The following UBASH3B variants were observed in gnomAD, a reference collection of about 807,000 sequenced individuals.
UBASH3B encodes ubiquitin associated and SH3 domain containing B.
A neutral mutation model predicts 83.4 loss-of-function variants in UBASH3B; 37 were observed. The observed-to-expected ratio is 0.44, with a 90% CI of 0.34 to 0.58. The LOEUF (loss-of-function observed/expected upper bound fraction) is 0.58, where lower values mean the gene tolerates loss of function less well. Among genes scored for constraint, UBASH3B ranks in the 20% least tolerant of loss-of-function variants. The probability of loss-of-function intolerance (pLI) is 0.01; values close to 1 mark genes in which losing one functional copy is unlikely to be tolerated. For missense variants in UBASH3B, 657 were observed against 827.2 expected, an observed-to-expected ratio of 0.79 and a Z score of 2.52; for synonymous variants, 304 against 318.3, an observed-to-expected ratio of 0.96 and a Z score of 0.48.
chr11:122,672,908 T>G (rs1863618155), intron 1 of UBASH3B, among the ~76,000 whole-genome samples: 1 of 152,130 alleles, frequency 6.6e-6, no homozygotes, highest in Non-Finnish European at 1.5e-5. Context: ...GTGTCCTTTA[T>G]GGATCAGCTT....
chr11:122,712,896 GTTTTTTTTTTTTTT>G lies in UBASH3B; in HGVS notation c.161+56703_161+56716del, dbSNP rs386375116. Among the ~76,000 whole-genome samples the G allele has an allele frequency of 2.9e-4, 19 of 64,524 alleles. No homozygotes were observed. In the South Asian group the frequency reaches 4.1e-3, roughly 14 times the overall value. 42.3% of individuals were successfully genotyped at this position (64,524 alleles called of 152,430 possible). On this transcript the variant is annotated intron_variant, in intron 1 of 13. Transcript: ENST00000284273. Reference sequence around the variant, plus strand: ...GACATTCATCTTTCTTCTCTGGGTGGTTTTTTTTTTTTTTTTTTTTTTTTTTTTTTGAGATGGAT... The same window carrying G: ...GACATTCATCTTTCTTCTCTGGGTGGTTTTTTTTTTTTTTTTGAGATGGAT...
intron 4 of UBASH3B, among the ~76,000 whole-genome samples, chr11:122,780,838 G>A (rs1292777101): frequency 6.6e-6 from 1 of 152,214 alleles, no homozygotes; most frequent in African/African-American, 2.4e-5. Flanking sequence ...AGTGCTGAGT[G>A]CAAAGCTGGA....
chr11:122,787,327 T>C (rs1355949547), intron 5 of UBASH3B, among the ~76,000 whole-genome samples: 1 of 152,092 alleles, frequency 6.6e-6, no homozygotes, highest in African/African-American at 2.4e-5. Flanking sequence ...TGAGTGTGTA[T>C]GAGGCAAAGG....
At chr11:122,747,735 T>G (rs1861141810) in intron 1 of UBASH3B, among the ~76,000 whole-genome samples, 1 of 152,216 alleles carries the variant, frequency 6.6e-6, no homozygotes, top group Admixed American at 6.5e-5. Context: ...TTAGAGCTGT[T>G]CTATCTGGAA....
chr11:122,667,219 G>T (rs1044999288), intron 1 of UBASH3B, among the ~76,000 whole-genome samples: 1 of 151,694 alleles, frequency 6.6e-6, no homozygotes, highest in Admixed American at 6.6e-5. Context: ...GCTAATTTTT[G>T]TATTTGTAGT....
At chr11:122,717,205 C>T (rs1860539682) in intron 1 of UBASH3B, among the ~76,000 whole-genome samples, 1 of 152,146 alleles carries the variant, frequency 6.6e-6, no homozygotes, top group African/African-American at 2.4e-5. Context: ...GAAAGCAAGG[C>T]CCAGAGACAT....
At position 122,672,020 on chromosome 11, in the gene UBASH3B, G is replaced by A. The variant is rs539686672; in HGVS notation, c.161+15810G>A. On this transcript the variant is annotated intron_variant, in intron 1 of 13. Coordinates refer to ENST00000284273, the MANE Select transcript of UBASH3B (RefSeq NM_032873.5). Reference sequence around the variant, plus strand: ...GGGAAACAGGTCATGCAGGGCTACCGATGTTTAGTCTGGAAAAGACATGCA... The same window carrying A: ...GGGAAACAGGTCATGCAGGGCTACCAATGTTTAGTCTGGAAAAGACATGCA... Among the ~76,000 whole-genome samples, 49 of 152,148 alleles carry A rather than the reference G, an allele frequency of 3.2e-4. 1 individual carries two copies. Among genetic ancestry groups the A allele is most frequent in the East Asian group, 5.8e-4 (3 of 5,164 alleles).
intron 1 of UBASH3B, among the ~76,000 whole-genome samples, chr11:122,707,318 T>C (rs1311943164): frequency 6.6e-6 from 1 of 152,132 alleles, no homozygotes; most frequent in Non-Finnish European, 1.5e-5. Context: ...TCCACTATTT[T>C]CCTCTTGCTT....
At chr11:122,748,390 C>T (rs1276009174) in intron 1 of UBASH3B, among the ~76,000 whole-genome samples, 3 of 152,210 alleles carry the variant, frequency 2.0e-5, no homozygotes, top group Non-Finnish European at 4.4e-5. Context: ...AACATACCTC[C>T]AGTCTGGTTT....
At chr11:122,747,713 G>A (rs772027357) in intron 1 of UBASH3B, among the ~76,000 whole-genome samples, 2 of 152,204 alleles carry the variant, frequency 1.3e-5, no homozygotes, top group Non-Finnish European at 2.9e-5. Context: ...TTATAGAGAC[G>A]CAATGAAAAT....
rs571588343 is a variant in UBASH3B at position 122,812,322 on chromosome 11, A to G, written c.*2436A>G. On this transcript the variant is annotated 3_prime_UTR_variant, in exon 14 of 14. Transcript: ENST00000284273. Reference sequence around the variant, plus strand: ...TTAAGTTCCCCTTGCACACTTACCTATTTAAAAAACTAAACTTGCACTGCA... The same window carrying G: ...TTAAGTTCCCCTTGCACACTTACCTGTTTAAAAAACTAAACTTGCACTGCA... 2 of 152,370 alleles carry G rather than the reference A, an allele frequency of 1.3e-5. No homozygotes were observed. The highest frequency in any genetic ancestry group is 4.8e-5 in the African/African-American group (2 of 41,596). The allele number at this position is 152,370 out of a possible 1,614,324, so 9.4% of individuals were successfully genotyped here. A position where few individuals can be genotyped will look rare whatever the true frequency, so the allele number is the denominator to read the frequency against.
At position 122,797,044 on chromosome 11, in the gene UBASH3B, T is replaced by C; in HGVS notation, c.1357+11T>C. 1.9e-6 allele frequency: 3 copies of C among 1,588,476 alleles called. No homozygotes were observed. Among genetic ancestry groups the C allele is most frequent in the Non-Finnish European group, 2.6e-6 (3 of 1,167,550 alleles). On this transcript the variant is annotated intron_variant, in intron 9 of 13. Transcript: ENST00000284273. ...AAGCAAGACTAGTGGGTAAGTATCC[T>C]GGAGTGACTGCACTCCAGGCATTTC...
intron 1 of UBASH3B, among the ~76,000 whole-genome samples, chr11:122,749,476 G>A (rs1565551272): frequency 6.6e-6 from 1 of 152,198 alleles, no homozygotes; most frequent in East Asian, 1.9e-4. Flanking sequence ...CTTATTGGGT[G>A]CCAACTGTGC....
At chr11:122,746,411 C>T (rs971991306) in intron 1 of UBASH3B, among the ~76,000 whole-genome samples, 1 of 152,140 alleles carries the variant, frequency 6.6e-6, no homozygotes, top group African/African-American at 2.4e-5. Context: ...ACTGTATTGA[C>T]GCGGAAGTTA....
At chr11:122,717,787 C>G (rs1161388755) in intron 1 of UBASH3B, among the ~76,000 whole-genome samples, 2 of 152,176 alleles carry the variant, frequency 1.3e-5, no homozygotes, top group Non-Finnish European at 2.9e-5. Context: ...CGGTCAACCA[C>G]CAGCAAATGA....
chr11:122,778,028 C>T (rs565922665), intron 3 of UBASH3B, among the ~76,000 whole-genome samples: 1 of 152,254 alleles, frequency 6.6e-6, no homozygotes, highest in South Asian at 2.1e-4. Context: ...CCATGCCTGG[C>T]CTCTACTGAC....
At chr11:122,663,516 G>A (rs1017523385) in intron 1 of UBASH3B, among the ~76,000 whole-genome samples, 1 of 152,158 alleles carries the variant, frequency 6.6e-6, no homozygotes, top group Non-Finnish European at 1.5e-5. Context: ...TCCCTTTCAG[G>A]GAGTGGACAG....
chr11:122,690,458 G>C (rs1371415849), intron 1 of UBASH3B, among the ~76,000 whole-genome samples: 1 of 151,636 alleles, frequency 6.6e-6, no homozygotes, highest in Non-Finnish European at 1.5e-5. Flanking sequence ...GAAATGCTAA[G>C]TAGGATTACA....
chr11:122,756,049 G>GA (rs1861277555), intron 1 of UBASH3B, among the ~76,000 whole-genome samples: 1 of 150,918 alleles, frequency 6.6e-6, no homozygotes. Context: ...AGGACGGAAG[G>GA]AATCCATCCC....
Sources: gnomAD v4.1 joint callset for allele counts (sites outside exome capture counted in the v4.1 genomes callset) on GRCh38, gnomAD v4.1.1 for gene constraint, MANE v1.5 for transcripts, NCBI Gene and HGNC (gene_info 2026-07-23, HGNC 2026-07-21) for gene names.